Variants in TMEM74 observed in about 807,000 individuals in gnomAD.
The protein encoded by TMEM74 is transmembrane protein 74.
In TMEM74, 13 loss-of-function variants were observed where a neutral mutation model predicts 18.1. That is an observed-to-expected ratio of 0.72 (90% CI 0.47 to 1.14). TMEM74 has a LOEUF of 1.14. TMEM74 is among the 50% of genes most tolerant of loss of function. The pLI, the probability that TMEM74 is intolerant of heterozygous loss-of-function variation, is 0.00. For synonymous variants in TMEM74, 159 were observed against 146.6 expected (o/e 1.08, Z -0.61); for missense variants, 372 against 375.9 (o/e 0.99, Z 0.09).
At chr8:108,731,578 AAT>A (rs1479557313) in intron 1 of TMEM74, among the ~76,000 whole-genome samples, 1 of 152,172 alleles carries the variant, frequency 6.6e-6, no homozygotes, top group Admixed American at 6.5e-5. Context: ...AGAGAGCATG[AAT>A]ACACACTCAA....
chr8:108,739,478 C>T (rs896158443), intron 1 of TMEM74, among the ~76,000 whole-genome samples: 7 of 152,162 alleles, frequency 4.6e-5, no homozygotes, highest in Non-Finnish European at 1.0e-4. Context: ...GTGTGGGTTA[C>T]TTTATCGTTA....
chr8:108,667,353 C>A (rs190950508), intron 1 of TMEM74, among the ~76,000 whole-genome samples: 2 of 151,992 alleles, frequency 1.3e-5, no homozygotes, highest in African/African-American at 4.8e-5. Context: ...TGTATTTTCC[C>A]GTCATATGAT....
chr8:108,679,614 T>C (rs1202962580), intron 1 of TMEM74, among the ~76,000 whole-genome samples: 1 of 152,208 alleles, frequency 6.6e-6, no homozygotes, highest in Non-Finnish European at 1.5e-5. Flanking sequence ...TTCTTGTAAA[T>C]TTGTTGGAGT....
In TMEM74 at chr8:108,747,123, A is replaced by T. The variant is rs1347436949; in HGVS notation, n.119+40353T>A. ...CTTGTGATTGGTGCCTGAAGTGGAC[A>T]CAGTCTTGTGGGACTGAGCCCTCAA... On this transcript the variant is annotated intron_variant and non_coding_transcript_variant, in intron 1 of 3. Coordinates refer to the TMEM74 transcript ENST00000518838. Among the ~76,000 whole-genome samples, 4 of 152,230 alleles carry T rather than the reference A, an allele frequency of 2.6e-5. No individual in the cohort carries two copies. In the East Asian group the frequency reaches 7.8e-4, roughly 30 times the overall value.
Position 108,658,277 on chromosome 8 carries a change from A to G in TMEM74, n.120-2840T>C, listed in dbSNP as rs147244949. ...AACTGGTACATCAGTCTTTCCACCT[A>G]GAAGTATAAGGGTTATGTAGGAATG... On this transcript the variant is annotated intron_variant and non_coding_transcript_variant, in intron 1 of 3. Coordinates refer to the TMEM74 transcript ENST00000518838. 3.9e-3 allele frequency among the ~76,000 whole-genome samples: 587 copies of G among 152,212 alleles called. 4 individuals carry two copies. Among genetic ancestry groups the G allele is most frequent in the African/African-American group, 0.014 (569 of 41,526 alleles).
Position 108,637,383 on chromosome 8 carries a change from A to C in TMEM74, n.264+17910T>G, listed in dbSNP as rs190610131. ...AAAATGCCCACTTCCTAATCTCTGGAACCTATAAGTATGTTATTTTACATT... is the reference window on the plus strand; with the variant it reads ...AAAATGCCCACTTCCTAATCTCTGGCACCTATAAGTATGTTATTTTACATT... On this transcript the variant is annotated intron_variant and non_coding_transcript_variant, in intron 2 of 3. Coordinates refer to the TMEM74 transcript ENST00000518838. 3.3e-5 allele frequency among the ~76,000 whole-genome samples: 5 copies of C among 152,232 alleles called. No individual in the cohort carries two copies. The East Asian group carries it at 5.8e-4, about 18-fold the overall frequency.
At chr8:108,607,231 T>A (rs1039250534) in exon 4 of TMEM74, 1 of 152,188 alleles carries the variant, frequency 6.6e-6, no homozygotes, top group Non-Finnish European at 1.5e-5. Flanking sequence ...TTGGACAAGG[T>A]CACATGACAG....
intron 2 of TMEM74, among the ~76,000 whole-genome samples, chr8:108,653,877 C>T (rs1287055342): frequency 1.8e-4 from 27 of 151,926 alleles, no homozygotes; most frequent in Non-Finnish European, 1.5e-5. Context: ...GAGGCTTTTG[C>T]TATTTATTTG....
At chr8:108,634,094 G>A (rs1038740749) in intron 2 of TMEM74, among the ~76,000 whole-genome samples, 3 of 151,884 alleles carry the variant, frequency 2.0e-5, no homozygotes, top group African/African-American at 7.2e-5. Context: ...TTTCCCATGG[G>A]CATCAAGAGA....
At chr8:108,720,993 T>A (rs1040485184) in intron 1 of TMEM74, among the ~76,000 whole-genome samples, 4 of 152,106 alleles carry the variant, frequency 2.6e-5, no homozygotes, top group Admixed American at 6.6e-5. Flanking sequence ...GTTTTCAAAC[T>A]CCTGATTTCA....
At chr8:108,733,787 A>G (rs1471704344) in intron 1 of TMEM74, among the ~76,000 whole-genome samples, 1 of 152,218 alleles carries the variant, frequency 6.6e-6, no homozygotes, top group Non-Finnish European at 1.5e-5. Flanking sequence ...GGGATTGTTC[A>G]TACCACGGTG....
At chr8:108,619,731 G>A (rs781237686) in intron 2 of TMEM74, among the ~76,000 whole-genome samples, 17 of 152,130 alleles carry the variant, frequency 1.1e-4, no homozygotes, top group Non-Finnish European at 2.4e-4. Context: ...TTACATATAT[G>A]CATGCTTCTG....
chr8:108,643,547 A>G (rs1014067587), intron 2 of TMEM74, among the ~76,000 whole-genome samples: 2 of 151,776 alleles, frequency 1.3e-5, no homozygotes, highest in South Asian at 4.2e-4. Context: ...TTTTTGAACT[A>G]AGGGGCCTTT....
intron 1 of TMEM74, among the ~76,000 whole-genome samples, chr8:108,764,145 C>T (rs1384716047): frequency 6.6e-6 from 1 of 152,054 alleles, no homozygotes; most frequent in African/African-American, 2.4e-5. Flanking sequence ...CTCCACAACA[C>T]AAACAAGATA....
At chr8:108,654,743 C>A (rs1812804782) in intron 2 of TMEM74, among the ~76,000 whole-genome samples, 2 of 145,400 alleles carry the variant, frequency 1.4e-5, no homozygotes, top group African/African-American at 5.1e-5. Flanking sequence ...AAATCTTTGT[C>A]CTTTTTACCA....
intron 2 of TMEM74, among the ~76,000 whole-genome samples, chr8:108,632,475 A>C (rs747083524): frequency 2.6e-5 from 4 of 152,002 alleles, no homozygotes; most frequent in Admixed American, 2.0e-4. Context: ...TGATGTTATA[A>C]ATTTTAAAAG....
At chr8:108,743,500 C>A (rs3019360) in intron 1 of TMEM74, among the ~76,000 whole-genome samples, 48,178 of 151,950 alleles carry the variant, frequency 0.32, 7,860 homozygotes, top group East Asian at 0.41. Flanking sequence ...AAAATATATG[C>A]AAAGTGTTCT....
chr8:108,611,870 T>A (rs570725117), intron 2 of TMEM74, among the ~76,000 whole-genome samples: 23 of 152,324 alleles, frequency 1.5e-4, no homozygotes, highest in African/African-American at 5.3e-4. Flanking sequence ...GGGTAATTTA[T>A]AAAGAAAAGA....
At chr8:108,620,296 A>C (rs1812426757) in intron 2 of TMEM74, among the ~76,000 whole-genome samples, 1 of 152,178 alleles carries the variant, frequency 6.6e-6, no homozygotes, top group Non-Finnish European at 1.5e-5. Flanking sequence ...TTGACCATAA[A>C]TATGTAGAAT....
Sources: allele counts gnomAD v4.1 joint callset (sites outside exome capture counted in the v4.1 genomes callset), GRCh38; gene constraint gnomAD v4.1.1; transcripts MANE v1.5; gene names NCBI Gene and HGNC (gene_info 2026-07-23, HGNC 2026-07-21).